The following PLEKHH2 variants were observed in gnomAD, a reference collection of about 807,000 sequenced individuals.
PLEKHH2 encodes pleckstrin homology, MyTH4 and FERM domain containing H2.
A neutral mutation model predicts 187.9 loss-of-function variants in PLEKHH2; 129 were observed. That is an observed-to-expected ratio of 0.69 (90% confidence interval 0.59 to 0.79). The LOEUF is 0.79. Among genes scored for constraint, PLEKHH2 ranks in the 30% least tolerant of loss-of-function variants. PLEKHH2 has a pLI of 0.00. For missense variants in PLEKHH2, 2,076 were observed against 1,751.2 expected (o/e 1.19, Z -3.31); for synonymous variants, 686 against 605.6 (o/e 1.13, Z -1.95).
At chr2:43,644,829 G>C (rs1443300607) in intron 2 of PLEKHH2, 33 bp downstream of exon 2, 1 of 1,572,808 alleles carries the variant, frequency 6.4e-7, no homozygotes, top group Non-Finnish European at 8.6e-7. Context: ...GTTATTAAAT[G>C]TCAGCTATTT....
chr2:43,657,062 A>C (rs1172588536), intron 2 of PLEKHH2, among the ~76,000 whole-genome samples: 1 of 152,150 alleles, frequency 6.6e-6, no homozygotes, highest in Non-Finnish European at 1.5e-5. Context: ...AAAAAACCTT[A>C]GTGGCTTCAA....
At chr2:43,697,594 G>A (rs1199571990) in intron 7 of PLEKHH2, among the ~76,000 whole-genome samples, 2 of 152,180 alleles carry the variant, frequency 1.3e-5, no homozygotes, top group Non-Finnish European at 2.9e-5. Flanking sequence ...TTTTCCTGCT[G>A]TAGGTGGAAG....
At chr2:43,671,026 C>T (rs1667471895) in intron 2 of PLEKHH2, among the ~76,000 whole-genome samples, 1 of 151,464 alleles carries the variant, frequency 6.6e-6, no homozygotes, top group Non-Finnish European at 1.5e-5. Context: ...CCCTTGTCCC[C>T]CAGGCTGGAG....
intron 3 of PLEKHH2, among the ~76,000 whole-genome samples, chr2:43,683,338 T>C (rs999641441): frequency 6.6e-6 from 1 of 151,896 alleles, no homozygotes; most frequent in African/African-American, 2.4e-5. Context: ...GGGATTTCTC[T>C]ATGTTGGTCG....
intron 1 of PLEKHH2, among the ~76,000 whole-genome samples, chr2:43,640,985 G>C (rs1357978467): frequency 6.8e-6 from 1 of 147,858 alleles, no homozygotes; most frequent in South Asian, 2.2e-4. Context: ...TAAAGACAGG[G>C]TTTTGCCACC....
chr2:43,654,414 C>T (rs1053813547), intron 2 of PLEKHH2, among the ~76,000 whole-genome samples: 1 of 151,870 alleles, frequency 6.6e-6, no homozygotes, highest in Non-Finnish European at 1.5e-5. Context: ...CCAGGATGGT[C>T]TCGATCTCTT....
chr2:43,650,144 C>CTTTTTTTTTTTT (rs70965311), intron 2 of PLEKHH2, among the ~76,000 whole-genome samples: 1 of 95,666 alleles, frequency 1.0e-5, no homozygotes, highest in Non-Finnish European at 2.0e-5. Flanking sequence ...TTTTTCTTTC[C>CTTTTTTTTTTTT]TTTTTTTTTT....
At chr2:43,660,435 CT>C (rs747756407) in intron 2 of PLEKHH2, among the ~76,000 whole-genome samples, 1,534 of 72,178 alleles carry the variant, frequency 0.021, 22 homozygotes, top group African/African-American at 0.043. Context: ...ATATGTTTAA[CT>C]TTTTTTTTTT....
intron 1 of PLEKHH2, among the ~76,000 whole-genome samples, chr2:43,640,674 T>G (rs562628820): frequency 2.6e-5 from 4 of 152,368 alleles, no homozygotes; most frequent in African/African-American, 9.6e-5. Context: ...GACTTTGATT[T>G]GCATTTTCTC....
rs111615658 is a variant in PLEKHH2, at chr2:43,683,348, G to A, written c.186+4423G>A. 2.2e-3 allele frequency among the ~76,000 whole-genome samples: 334 copies of A among 151,508 alleles called. 2 individuals carry two copies. The highest frequency in any genetic ancestry group is 7.6e-3 in the African/African-American group (316 of 41,358). Reference sequence around the variant, plus strand: ...GAGATGGGATTTCTCTATGTTGGTCGGGCTGGTCTCAAACTCCTGATTTCA... The same window carrying A: ...GAGATGGGATTTCTCTATGTTGGTCAGGCTGGTCTCAAACTCCTGATTTCA... On this transcript the variant is annotated intron_variant, in intron 3 of 29. Coordinates refer to ENST00000282406, the MANE Select transcript of PLEKHH2 (RefSeq NM_172069.4).
intron 15 of PLEKHH2, among the ~76,000 whole-genome samples, chr2:43,717,917 A>T (rs140058040): frequency 4.3e-4 from 66 of 152,356 alleles, no homozygotes; most frequent in African/African-American, 1.5e-3. Context: ...AGCTATTATC[A>T]TCCAAGAGTT....
chr2:43,637,308 G>C lies in PLEKHH2; in HGVS notation c.-75G>C, dbSNP rs1703149857. ...TGAGGCGGGCGCGGGCTGAGAGTCC[G>C]GGGATCCCGGGGGCCAGTCGCGGCC... On this transcript the variant is annotated 5_prime_UTR_variant, in exon 1 of 30. Transcript: ENST00000282406. 6.6e-6 allele frequency: 1 copy of C among 152,410 alleles called. No homozygotes were observed. The highest frequency in any genetic ancestry group is 2.4e-5 in the African/African-American group (1 of 41,456). The allele number at this position is 152,410 out of a possible 1,614,324, so 9.4% of individuals were successfully genotyped here. A position where few individuals can be genotyped will look rare whatever the true frequency, so the allele number is the denominator to read the frequency against.
intron 2 of PLEKHH2, among the ~76,000 whole-genome samples, chr2:43,678,153 G>A (rs1323252324): frequency 1.3e-5 from 2 of 151,682 alleles, no homozygotes; most frequent in African/African-American, 4.8e-5. Context: ...CAGAAGATGG[G>A]TGGCCGGGCA....
rs1668992476 is a variant in PLEKHH2, at chr2:43,694,495, T to A, written c.401T>A (p.Val134Glu). Residue 134 changes from valine (V) to glutamate (E), a missense_variant, in exon 5 of 30, where the codon GTA (valine) becomes GAA (glutamate). By Grantham distance (121) the Val-to-Glu change is moderately radical. Coordinates refer to ENST00000282406, the MANE Select transcript of PLEKHH2 (RefSeq NM_172069.4). ...EEKAAKIKEW[V>E]TVKLNELELE... is the part of the protein sequence containing the mutation. ...AAAGCAGCTAAGATAAAAGAATGGGTAACAGTTAAGTTAAATGAGGTATTT... is the reference window on the plus strand; with the variant it reads ...AAAGCAGCTAAGATAAAAGAATGGGAAACAGTTAAGTTAAATGAGGTATTT... The A allele has an allele frequency of 4.5e-6, 7 of 1,559,718 alleles. No homozygotes were observed. The highest frequency in any genetic ancestry group is 1.4e-5 in the African/African-American group (1 of 73,326).
chr2:43,676,797 G>T (rs1323907647), intron 2 of PLEKHH2, among the ~76,000 whole-genome samples: 1 of 152,006 alleles, frequency 6.6e-6, no homozygotes, highest in Admixed American at 6.6e-5. Flanking sequence ...TTTAATCAAA[G>T]AATCTCTTCT....
intron 2 of PLEKHH2, among the ~76,000 whole-genome samples, chr2:43,655,028 C>G (rs1666682661): frequency 6.6e-6 from 1 of 151,612 alleles, no homozygotes; most frequent in Non-Finnish European, 1.5e-5. Context: ...GAGACTCCAT[C>G]TCAAAAAAAT....
Position 43,710,565 on chromosome 2 carries a change from A to G in PLEKHH2, c.2291A>G (p.Gln764Arg). The G allele has an allele frequency of 6.3e-7, 1 of 1,593,292 alleles. No individual in the cohort carries two copies. The highest frequency in any genetic ancestry group is 1.2e-5 in the South Asian group (1 of 84,824). Residue 764 changes from glutamine to arginine, a missense_variant, in exon 14 of 30, where the codon CAA becomes CGA. Coordinates refer to ENST00000282406, the MANE Select transcript of PLEKHH2 (RefSeq NM_172069.4). Reference protein sequence around the residue: ...SCSILRGDNKQTVQLTTEKHT... With the variant: ...SCSILRGDNKRTVQLTTEKHT... ...AGTATTTTAAGAGGAGATAACAAAC[A>G]AACAGTTCAGGTACTTAACTTTTTT...
At chr2:43,729,346 T>G (rs1670925946) in intron 17 of PLEKHH2, among the ~76,000 whole-genome samples, 1 of 152,204 alleles carries the variant, frequency 6.6e-6, no homozygotes, top group South Asian at 2.1e-4. Flanking sequence ...TAAAAGAATA[T>G]CAGCTGGTTG....
At chr2:43,678,397 C>T (rs1426709063) in intron 2 of PLEKHH2, among the ~76,000 whole-genome samples, 5 of 152,118 alleles carry the variant, frequency 3.3e-5, no homozygotes, top group African/African-American at 1.2e-4. Flanking sequence ...GAGATCACGC[C>T]ACTGCACTCC....
Sources: allele counts gnomAD v4.1 joint callset (sites outside exome capture counted in the v4.1 genomes callset), GRCh38; gene constraint gnomAD v4.1.1; transcripts MANE v1.5; gene names NCBI Gene and HGNC (gene_info 2026-07-23, HGNC 2026-07-21).